SEMA5B: variants seen among roughly 807,000 people sequenced by gnomAD.
The protein encoded by SEMA5B is semaphorin-5B.
In SEMA5B, 66 loss-of-function variants were observed where a neutral mutation model predicts 135.0. The observed-to-expected ratio is 0.49, with a 90% CI of 0.40 to 0.60. SEMA5B has a LOEUF of 0.60. Among genes scored for constraint, SEMA5B ranks in the 20% least tolerant of loss-of-function variants. The pLI, the probability that SEMA5B is intolerant of heterozygous loss-of-function variation, is 0.00. For synonymous variants in SEMA5B, 690 were observed against 639.5 expected, an observed-to-expected ratio of 1.08 and a Z score of -1.19; for missense variants, 1,501 against 1,566.3, an observed-to-expected ratio of 0.96 and a Z score of 0.70.
rs771271026 is a variant in SEMA5B, at chr3:122,911,945, G to A, written c.3021C>T (p.Arg1007=). Residue 1007 remains arginine (R), a synonymous_variant, in exon 20 of 23, where the codon CGC becomes CGT. Transcript: ENST00000357599. The part of the protein sequence containing the change: ...SACAGNSSQS[R]PCPYSEIPVI... ...CGGGAATCTCGCTGTAGGGGCAGGG[G>A]CGGCTCTGGCTGCTGTTTCCAGCAC... 6.2e-7 allele frequency: 1 copy of A among 1,607,612 alleles called. No individual in the cohort carries two copies. The highest frequency in any genetic ancestry group is 1.1e-5 in the South Asian group (1 of 90,648).
intron 1 of SEMA5B, among the ~76,000 whole-genome samples, chr3:123,004,237 T>A (rs1942250503): frequency 6.6e-6 from 1 of 152,204 alleles, no homozygotes; most frequent in Non-Finnish European, 1.5e-5. Context: ...CAAGCCCATA[T>A]AAGAAATGCA....
intron 1 of SEMA5B, among the ~76,000 whole-genome samples, chr3:123,011,806 G>T (rs1474824038): frequency 1.3e-5 from 2 of 152,176 alleles, no homozygotes; most frequent in African/African-American, 4.8e-5. Flanking sequence ...AGCACCTCCT[G>T]TACTGAAGGA....
chr3:122,913,764 G>A, intron 15 of SEMA5B, 83 bp from the exon 16 acceptor site: 1 of 1,576,972 alleles, frequency 6.3e-7, no homozygotes. Context: ...AGACCGGAAA[G>A]GACGAGAGTC....
At chr3:123,016,365 A>G (rs1394974408) in intron 1 of SEMA5B, among the ~76,000 whole-genome samples, 1 of 152,198 alleles carries the variant, frequency 6.6e-6, no homozygotes, top group African/African-American at 2.4e-5. Context: ...CAAATGCACA[A>G]ATGTTCAAGT....
chr3:122,954,332 C>T (rs1389224708), intron 2 of SEMA5B, among the ~76,000 whole-genome samples: 1 of 152,228 alleles, frequency 6.6e-6, no homozygotes, highest in Non-Finnish European at 1.5e-5. Flanking sequence ...CCAGCCCTTT[C>T]CTGAGGTTTA....
rs1182061863 is a variant in SEMA5B, at chr3:122,911,908, AG to A, written c.3046+11del. On this transcript the variant is annotated intron_variant, in intron 20 of 22. Coordinates refer to ENST00000357599, the MANE Select transcript of SEMA5B (RefSeq NM_001031702.4). ...GAAGGGTTGCTGCGCAGGTGCTGGC[AG>A]GGGTACCTACCGGGAATCTCGCTGT... 1 of 1,589,670 alleles carries A rather than the reference AG, an allele frequency of 6.3e-7. No homozygotes were observed.
intron 1 of SEMA5B, among the ~76,000 whole-genome samples, chr3:122,968,268 T>A (rs1189364907): frequency 3.9e-5 from 6 of 152,230 alleles, no homozygotes; most frequent in Non-Finnish European, 7.3e-5. Context: ...TCTGCATCTA[T>A]GCCACTCCTC....
chr3:122,915,440 C>A lies in SEMA5B; in HGVS notation c.1988G>T (p.Arg663Met). The A allele has an allele frequency of 1.2e-6, 2 of 1,608,564 alleles. No homozygotes were observed. The highest frequency in any genetic ancestry group is 1.7e-6 in the Non-Finnish European group (2 of 1,176,810). Residue 663 changes from arginine to methionine, a missense_variant and splice_region_variant, in exon 14 of 23, where the codon AGG becomes ATG. Arg to Met is a moderately conservative substitution (Grantham distance 91). Transcript: ENST00000357599. ...GPAIHIANCS[R>M]NGAWTPWSSW... ...CCATGTAAACCCTGTCCTCACATAC[C>A]TGGAGCAGTTGGCGATGTGGATGGC...
intron 1 of SEMA5B, among the ~76,000 whole-genome samples, chr3:123,005,999 A>G (rs1465069488): frequency 1.3e-5 from 2 of 152,178 alleles, no homozygotes; most frequent in African/African-American, 2.4e-5. Context: ...CTGAGCCTCA[A>G]CTTCCTCCTG....
intron 1 of SEMA5B, among the ~76,000 whole-genome samples, chr3:123,025,178 G>C (rs116824377): frequency 0.042 from 6,393 of 152,298 alleles, 163 homozygotes; most frequent in South Asian, 0.073. Context: ...AAGTGGTAAA[G>C]GAACTTTTTC....
At chr3:122,915,667 G>A in intron 13 of SEMA5B, 46 bp from the exon 14 acceptor site, 1 of 1,600,616 alleles carries the variant, frequency 6.2e-7, no homozygotes, top group Non-Finnish European at 8.5e-7. Flanking sequence ...CCAAGCCAAG[G>A]GCAGGGAAGT....
At chr3:122,916,482 C>T (rs2107621282) in intron 12 of SEMA5B, among the ~76,000 whole-genome samples, 1 of 152,310 alleles carries the variant, frequency 6.6e-6, no homozygotes, top group South Asian at 2.1e-4. Flanking sequence ...CTGGGTGATT[C>T]TAATGGGAGC....
At chr3:122,978,953 T>C (rs1472307038) in intron 1 of SEMA5B, among the ~76,000 whole-genome samples, 2 of 152,168 alleles carry the variant, frequency 1.3e-5, no homozygotes, top group African/African-American at 4.8e-5. Flanking sequence ...ATGCTCGTCC[T>C]CCTGCCCAGG....
intron 1 of SEMA5B, among the ~76,000 whole-genome samples, chr3:123,010,469 G>A (rs185228889): frequency 1.3e-5 from 2 of 152,152 alleles, no homozygotes; most frequent in Non-Finnish European, 2.9e-5. Flanking sequence ...TCTGGAAGAA[G>A]TAAATGAGGA....
chr3:122,919,531 C>T (rs1007501105), intron 12 of SEMA5B, among the ~76,000 whole-genome samples: 6 of 152,130 alleles, frequency 3.9e-5, no homozygotes, highest in East Asian at 3.9e-4. Flanking sequence ...CTTACCCACC[C>T]TCATCTTCCT....
intron 2 of SEMA5B, chr3:122,958,298 A>T (rs1940424360): frequency 6.6e-6 from 1 of 152,432 alleles, no homozygotes; most frequent in African/African-American, 2.4e-5. Context: ...GCCTCCATTC[A>T]AAGTCTCCAC....
chr3:122,927,409 T>G (rs946484688), intron 8 of SEMA5B, among the ~76,000 whole-genome samples: 1 of 152,132 alleles, frequency 6.6e-6, no homozygotes, highest in South Asian at 2.1e-4. Context: ...CCCACGCTGG[T>G]CTCCAACTCC....
chr3:123,003,386 G>C (rs1942229341), intron 1 of SEMA5B, among the ~76,000 whole-genome samples: 1 of 152,030 alleles, frequency 6.6e-6, no homozygotes, highest in South Asian at 2.1e-4. Context: ...TCAATTCAAA[G>C]AGGCTTAAAC....
chr3:122,987,160 G>A (rs1489635697), intron 1 of SEMA5B, among the ~76,000 whole-genome samples: 1 of 152,144 alleles, frequency 6.6e-6, no homozygotes, highest in Non-Finnish European at 1.5e-5. Context: ...GTAAAGTGAT[G>A]CCGGGAAGGC....
Sources: allele counts gnomAD v4.1 joint callset (sites outside exome capture counted in the v4.1 genomes callset), GRCh38; gene constraint gnomAD v4.1.1; transcripts MANE v1.5; gene names NCBI Gene and HGNC (gene_info 2026-07-23, HGNC 2026-07-21).